CLOCK: variants seen among roughly 807,000 people sequenced by gnomAD.
The protein encoded by CLOCK is clock circadian regulator, also known as circadian locomoter output cycles protein kaput.
A neutral mutation model predicts 118.4 loss-of-function variants in CLOCK; 43 were observed. The ratio of observed to expected loss-of-function variants is 0.36; its 90% CI spans 0.28 to 0.47. CLOCK has a LOEUF of 0.47. CLOCK is among the 20% of genes least tolerant of loss of function. CLOCK has a pLI of 1.00. For synonymous variants in CLOCK, 326 were observed against 339.2 expected, an observed-to-expected ratio of 0.96 and a Z score of 0.43; for missense variants, 846 against 999.9, an observed-to-expected ratio of 0.85 and a Z score of 2.08.
rs1380178526 is a variant in CLOCK, at chr4:55,433,293, T to TA, written c.*2121dup. ...TCATTTAGCTAGAAGAGCTCCTTGATATGTTAATTACTGATTGATATCTAG... is the reference window on the plus strand; with the variant it reads ...TCATTTAGCTAGAAGAGCTCCTTGATAATGTTAATTACTGATTGATATCTAG... On this transcript the variant is annotated 3_prime_UTR_variant, in exon 23 of 23. Transcript: ENST00000513440. The TA allele has an allele frequency of 6.6e-6, 1 of 152,644 alleles. No homozygotes were observed. The highest frequency in any genetic ancestry group is 6.5e-5 in the Admixed American group (1 of 15,288). The allele number at this position is 152,644 out of a possible 1,614,324, so 9.5% of individuals were successfully genotyped here.
At chr4:55,451,018 A>G (rs1393642267) in intron 15 of CLOCK, among the ~76,000 whole-genome samples, 1 of 151,470 alleles carries the variant, frequency 6.6e-6, no homozygotes, top group Non-Finnish European at 1.5e-5. Flanking sequence ...GTATACAAAC[A>G]TGCTGTTATT....
intron 1 of CLOCK, chr4:55,540,564 C>T (rs1731204952): frequency 6.6e-6 from 1 of 152,156 alleles, no homozygotes; most frequent in African/African-American, 2.4e-5. Context: ...ATGAATCAAC[C>T]TGTACTTTCA....
At chr4:55,481,302 A>G (rs1726920445) in intron 4 of CLOCK, among the ~76,000 whole-genome samples, 1 of 152,148 alleles carries the variant, frequency 6.6e-6, no homozygotes, top group South Asian at 2.1e-4. Flanking sequence ...ATGTATATGA[A>G]TTTTCCGAGA....
intron 9 of CLOCK, among the ~76,000 whole-genome samples, chr4:55,461,794 T>C (rs1411813052): frequency 2.0e-5 from 3 of 152,192 alleles, no homozygotes; most frequent in African/African-American, 7.2e-5. Flanking sequence ...TTCCACTATT[T>C]ACCTGATTTT....
At chr4:55,543,784 A>C (rs1386474423) in intron 1 of CLOCK, among the ~76,000 whole-genome samples, 1 of 152,208 alleles carries the variant, frequency 6.6e-6, no homozygotes, top group Non-Finnish European at 1.5e-5. Context: ...CTCCAAAAAA[A>C]AAAAAAATTG....
At chr4:55,523,574 T>C (rs557543226) in intron 1 of CLOCK, among the ~76,000 whole-genome samples, 1 of 152,328 alleles carries the variant, frequency 6.6e-6, no homozygotes, top group African/African-American at 2.4e-5. Flanking sequence ...TGTATCTACA[T>C]GACATGGGTA....
At chr4:55,491,234 TAAAAAAAAAAAA>T (rs34441416) in intron 2 of CLOCK, among the ~76,000 whole-genome samples, 2 of 44,342 alleles carry the variant, frequency 4.5e-5, no homozygotes, top group Admixed American at 3.0e-4. Flanking sequence ...GCAGGTGTGC[TAAAAAAAAAAAA>T]AAAAAAAAAA....
chr4:55,543,791 AT>A (rs1731436627), intron 1 of CLOCK, among the ~76,000 whole-genome samples: 2 of 152,148 alleles, frequency 1.3e-5, no homozygotes, highest in African/African-American at 4.8e-5. Flanking sequence ...AAAAAAAAAA[AT>A]TGAAATGTAA....
intron 1 of CLOCK, among the ~76,000 whole-genome samples, chr4:55,517,420 G>C (rs1029233639): frequency 6.6e-6 from 1 of 152,186 alleles, no homozygotes; most frequent in Non-Finnish European, 1.5e-5. Context: ...TGAGGCAGGA[G>C]AATCACTTGA....
At chr4:55,450,351 T>C in intron 15 of CLOCK, 119 bp from the exon 16 acceptor site, 1 of 1,079,618 alleles carries the variant, frequency 9.3e-7, no homozygotes, top group Non-Finnish European at 1.4e-6. Flanking sequence ...CAAAAGTACC[T>C]GTATGTACAT....
rs1165162996 is a variant in CLOCK at position 55,431,777 on chromosome 4, T to A, written c.*3638A>T. 3.9e-5 allele frequency: 6 copies of A among 152,254 alleles called. No homozygotes were observed. Among genetic ancestry groups the A allele is most frequent in the Admixed American group, 3.9e-4 (6 of 15,286 alleles). The allele number at this position is 152,254 out of a possible 1,614,324, so 9.4% of individuals were successfully genotyped here. ...TCCACTTTTAAAAAGTTTGCCTCAATGTAGTGGAAACATCTGAAAACATGT... is the reference window on the plus strand; with the variant it reads ...TCCACTTTTAAAAAGTTTGCCTCAAAGTAGTGGAAACATCTGAAAACATGT... On this transcript the variant is annotated 3_prime_UTR_variant, in exon 23 of 23. Coordinates refer to ENST00000513440, the MANE Select transcript of CLOCK (RefSeq NM_004898.4).
At chr4:55,539,914 C>G (rs1311598451) in intron 1 of CLOCK, among the ~76,000 whole-genome samples, 1 of 151,738 alleles carries the variant, frequency 6.6e-6, no homozygotes, top group Non-Finnish European at 1.5e-5. Flanking sequence ...TATACATATA[C>G]TTATGTAATG....
intron 2 of CLOCK, among the ~76,000 whole-genome samples, chr4:55,502,191 G>A (rs1728489995): frequency 6.6e-6 from 1 of 152,150 alleles, no homozygotes; most frequent in Admixed American, 6.5e-5. Context: ...ATCCAATCAG[G>A]TTTGTGGCGG....
intron 7 of CLOCK, among the ~76,000 whole-genome samples, chr4:55,473,382 A>G (rs1726279025): frequency 6.6e-6 from 1 of 152,188 alleles, no homozygotes; most frequent in Non-Finnish European, 1.5e-5. Flanking sequence ...AATATATAAA[A>G]ATTATTCACT....
In CLOCK at chr4:55,431,448, C is replaced by G. The variant is rs1213272768; in HGVS notation, c.*3967G>C. The G allele has an allele frequency of 1.3e-5, 2 of 152,202 alleles. No individual in the cohort carries two copies. Among genetic ancestry groups the G allele is most frequent in the Non-Finnish European group, 2.9e-5 (2 of 68,032 alleles). 9.4% of individuals were successfully genotyped at this position (152,202 alleles called of 1,614,324 possible). A position where few individuals can be genotyped will look rare whatever the true frequency, so the allele number is the denominator to read the frequency against. On this transcript the variant is annotated 3_prime_UTR_variant, in exon 23 of 23. Transcript: ENST00000513440. ...AGCTCCTTTTAGAAGAAAGCTCACC[C>G]AATCCAAACTTAAAAGGTTCTCTTT...
At chr4:55,480,260 TC>T (rs1726826897) in intron 4 of CLOCK, among the ~76,000 whole-genome samples, 1 of 152,160 alleles carries the variant, frequency 6.6e-6, no homozygotes, top group South Asian at 2.1e-4. Flanking sequence ...CTACAGTTTT[TC>T]CTTCTTTTTC....
intron 2 of CLOCK, among the ~76,000 whole-genome samples, chr4:55,493,636 G>A (rs553352885): frequency 6.6e-6 from 1 of 152,132 alleles, no homozygotes; most frequent in African/African-American, 2.4e-5. Context: ...TTTAATGTAC[G>A]AGGAAAAAAT....
chr4:55,438,176 G>T, intron 22 of CLOCK, 106 bp downstream of exon 22: 1 of 1,380,604 alleles, frequency 7.2e-7, no homozygotes, highest in Non-Finnish European at 1.0e-6. Context: ...TGTACAATAA[G>T]CTTTTGTGAA....
At chr4:55,523,111 C>T (rs1170040324) in intron 1 of CLOCK, among the ~76,000 whole-genome samples, 4 of 150,558 alleles carry the variant, frequency 2.7e-5, no homozygotes, top group Non-Finnish European at 4.4e-5. Flanking sequence ...CTGGCTAACA[C>T]GGTGAAACCC....
Sources: allele counts gnomAD v4.1 joint callset (sites outside exome capture counted in the v4.1 genomes callset), GRCh38; gene constraint gnomAD v4.1.1; transcripts MANE v1.5; gene names NCBI Gene and HGNC (gene_info 2026-07-23, HGNC 2026-07-21).